MED24: variants seen among roughly 807,000 people sequenced by gnomAD.
MED24 encodes the protein mediator complex subunit 24.
A neutral mutation model predicts 118.8 loss-of-function variants in MED24; 74 were observed. The ratio of observed to expected loss-of-function variants is 0.62; its 90% CI spans 0.52 to 0.76. The LOEUF (loss-of-function observed/expected upper bound fraction) is 0.76. MED24 is among the 30% of genes least tolerant of loss of function. MED24 has a pLI of 0.00. For missense variants in MED24, 1,041 were observed against 1,278.9 expected (o/e 0.81, Z 2.84); for synonymous variants, 521 against 523.9 (o/e 0.99, Z 0.08).
At chr17:40,032,373 G>GCCCCTTTCCCTGGCT in intron 9 of MED24, 1 of 569,328 alleles carries the variant, frequency 1.8e-6, no homozygotes, top group Non-Finnish European at 3.1e-6. Flanking sequence ...GAGGACTGGG[G>GCCCCTTTCCCTGGCT]CCCCTTTCCC....
At position 40,035,028 on chromosome 17, in the gene MED24, T is replaced by G; in HGVS notation, c.559+89A>C. 2.5e-6 allele frequency: 4 copies of G among 1,610,246 alleles called. No individual in the cohort carries two copies. In the South Asian group the frequency reaches 4.4e-5, roughly 18 times the overall value. ...GGTTTCAGATCCTCCTGGAAAGAGG[T>G]GGGATGGCATCCTGCCTCTCCCTTC... On this transcript the variant is annotated intron_variant, in intron 6 of 25. Transcript: ENST00000394128.
intron 19 of MED24, among the ~76,000 whole-genome samples, chr17:40,024,937 T>C (rs536831214): frequency 1.3e-5 from 2 of 152,146 alleles, no homozygotes; most frequent in South Asian, 2.1e-4. Context: ...GGTTTCACCA[T>C]GTTGGTCAGG....
chr17:40,039,543 A>T (rs929584139), intron 3 of MED24, among the ~76,000 whole-genome samples: 1 of 152,222 alleles, frequency 6.6e-6, no homozygotes, highest in Admixed American at 6.5e-5. Context: ...ACAGCACTTG[A>T]GAGGGCACAA....
At position 40,027,081 on chromosome 17, in the gene MED24, G is replaced by C. The variant is rs367647258; in HGVS notation, c.1531-47C>G. On this transcript the variant is annotated intron_variant, in intron 16 of 25. Transcript: ENST00000394128. ...ACCAGCCGAGTGGGGAGGGCGCGGC[G>C]CCTGCCAGCGCTGGACCTGGGGCTG... 134 of 1,597,156 alleles carry C rather than the reference G, an allele frequency of 8.4e-5. 1 individual carries two copies. The African/African-American group carries it at 1.4e-3, about 16-fold the overall frequency.
At position 40,022,458 on chromosome 17, in the gene MED24, G is replaced by C; in HGVS notation, c.2459C>G (p.Ser820Cys). ...CGCCTGTCCCTTGTGGGAGGAGTAG[G>C]AACTGAGGGCACACCACACGGCCAG... ...AKLAVWCALSSYSSHKGQAST... is the reference protein window; with the variant it reads ...AKLAVWCALSCYSSHKGQAST... The change falls in exon 22 of 26, where the codon TCC (serine) becomes TGC (cysteine). Residue 820 changes from serine (S) to cysteine (C), a missense_variant. Physicochemically the swap from Ser to Cys is moderately radical, Grantham distance 112. Coordinates refer to ENST00000394128, the MANE Select transcript of MED24 (RefSeq NM_014815.4). The C allele has an allele frequency of 1.9e-6, 3 of 1,610,522 alleles. No homozygotes were observed. The highest frequency in any genetic ancestry group is 2.5e-6 in the Non-Finnish European group (3 of 1,178,672).
intron 3 of MED24, among the ~76,000 whole-genome samples, chr17:40,045,395 T>C (rs1041284890): frequency 6.7e-6 from 1 of 150,268 alleles, no homozygotes; most frequent in Non-Finnish European, 1.5e-5. Flanking sequence ...CAGGAGGAGG[T>C]TGCAGTGAGC....
rs1982144573 is a variant in MED24 at position 40,022,444 on chromosome 17, T to C, written c.2473A>G (p.Lys825Glu). The part of the protein sequence containing the change: ...WCALSSYSSH[K>E]GQASTRQKKR... ...TTCTGGCGGGTGGACGCCTGTCCCT[T>C]GTGGGAGGAGTAGGAACTGAGGGCA... Residue 825 changes from lysine (K) to glutamate (E), a missense_variant, in exon 22 of 26, where the codon AAG becomes GAG. Physicochemically the swap from Lys to Glu is moderately conservative, Grantham distance 56. Transcript: ENST00000394128. 1 of 1,610,654 alleles carries C rather than the reference T, an allele frequency of 6.2e-7. No individual in the cohort carries two copies. The highest frequency in any genetic ancestry group is 8.5e-7 in the Non-Finnish European group (1 of 1,178,786).
chr17:40,039,392 C>T (rs993364243), intron 3 of MED24, among the ~76,000 whole-genome samples: 3 of 152,184 alleles, frequency 2.0e-5, no homozygotes, highest in Non-Finnish European at 4.4e-5. Flanking sequence ...GCTAGCCCCA[C>T]CTGACCCTGC....
chr17:40,032,376 C>G (rs566102996), intron 9 of MED24: 969 of 568,340 alleles, frequency 1.7e-3, no homozygotes, highest in Non-Finnish European at 2.6e-3. Context: ...GACTGGGGCC[C>G]CTTTCCCTGG....
At position 40,027,941 on chromosome 17, in the gene MED24, T is replaced by C. The variant is rs148687421; in HGVS notation, c.1415A>G (p.Asn472Ser). 1.9e-6 allele frequency: 3 copies of C among 1,613,732 alleles called. No homozygotes were observed. Among genetic ancestry groups the C allele is most frequent in the Non-Finnish European group, 2.5e-6 (3 of 1,179,986 alleles). The change falls in exon 15 of 26, where the codon AAT becomes AGT. Residue 472 changes from asparagine (N) to serine (S), a missense_variant. Coordinates refer to ENST00000394128, the MANE Select transcript of MED24 (RefSeq NM_014815.4). Reference protein sequence around the residue: ...KSFARKFINLNEFTTYGSEES... With the variant: ...KSFARKFINLSEFTTYGSEES... ...TTCGCTGCCATAGGTTGTGAATTCA[T>C]TCAAACTGAAAGGAATGGAGACAGG...
intron 1 of MED24, 181 bp from the exon 2 acceptor site, chr17:40,053,816 C>T: frequency 1.3e-6 from 1 of 794,206 alleles, no homozygotes; most frequent in Non-Finnish European, 2.0e-6. Flanking sequence ...TCCTGAACCG[C>T]CCTTCCTTAA....
In MED24 at chr17:40,035,972, C is replaced by T. The variant is rs1001839723; in HGVS notation, c.252+144G>A. 5.1e-5 allele frequency: 58 copies of T among 1,130,020 alleles called. No homozygotes were observed. In the East Asian group the frequency reaches 5.5e-4, roughly 11 times the overall value. 70.0% of individuals were successfully genotyped at this position (1,130,020 alleles called of 1,614,324 possible). A position where few individuals can be genotyped will look rare whatever the true frequency, so the allele number is the denominator to read the frequency against. On this transcript the variant is annotated intron_variant, in intron 4 of 25. Coordinates refer to ENST00000394128, the MANE Select transcript of MED24 (RefSeq NM_014815.4). ...GCACCAGCCCCTACTTGCCAGGATC[C>T]CCCTCCCATGGAAGTCCAGCAATGC...
At chr17:40,021,771 A>T (rs1982042633) in intron 23 of MED24, among the ~76,000 whole-genome samples, 184 bp downstream of exon 23, 1 of 152,124 alleles carries the variant, frequency 6.6e-6, no homozygotes, top group Non-Finnish European at 1.5e-5. Context: ...GGGAGTGAGA[A>T]CAGCAACCTC....
intron 23 of MED24, among the ~76,000 whole-genome samples, chr17:40,020,799 G>C (rs939222989): frequency 1.3e-5 from 2 of 151,104 alleles, no homozygotes; most frequent in East Asian, 2.0e-4. Flanking sequence ...CAGGCTGGGC[G>C]TGGTGGCTCA....
At chr17:40,053,097 T>C (rs1986017909) in intron 3 of MED24, among the ~76,000 whole-genome samples, 1 of 151,816 alleles carries the variant, frequency 6.6e-6, no homozygotes, top group African/African-American at 2.4e-5. Context: ...CACGCAGGGG[T>C]AACTCTTTGT....
chr17:40,019,689 G>T (rs1981704505), intron 25 of MED24, 44 bp from the exon 26 acceptor site: 1 of 1,580,466 alleles, frequency 6.3e-7, no homozygotes, highest in African/African-American at 1.3e-5. Context: ...GGCTGGTGGT[G>T]GGTGTGCTGT....
rs140811712 is a variant in MED24, at chr17:40,051,235, C to T, written c.213+2063G>A. ...CTGAGGCAGGACAATTGCTTGAACC[C>T]GAAAGGCAGAGGTTGCAGTGAGCCA... On this transcript the variant is annotated intron_variant, in intron 3 of 25. Coordinates refer to ENST00000394128, the MANE Select transcript of MED24 (RefSeq NM_014815.4). 4.0e-4 allele frequency among the ~76,000 whole-genome samples: 61 copies of T among 151,770 alleles called. 1 individual carries two copies. The East Asian group carries it at 0.011, about 28-fold the overall frequency.
Position 40,019,236 on chromosome 17 carries a change from G to T in MED24, c.*293C>A. On this transcript the variant is annotated 3_prime_UTR_variant, in exon 26 of 26. Transcript: ENST00000394128. The stretch of plus-strand genomic sequence containing the variant: ...CTTTGCATCTAGAAAGTTCCTCAGA[G>T]GTAAGACTACTCCTGGGCTGGGGCG... The T allele has an allele frequency of 4.5e-6, 2 of 439,698 alleles. No homozygotes were observed. The highest frequency in any genetic ancestry group is 8.1e-5 in the East Asian group (2 of 24,718). The allele number at this position is 439,698 out of a possible 1,614,324, so 27.2% of individuals were successfully genotyped here.
intron 15 of MED24, 106 bp from the exon 16 acceptor site, chr17:40,027,571 G>T: frequency 9.3e-7 from 1 of 1,070,894 alleles, no homozygotes; most frequent in Non-Finnish European, 1.4e-6. Flanking sequence ...GGGACCAAGT[G>T]GCTCCTTCAA....
Sources: allele counts gnomAD v4.1 joint callset (sites outside exome capture counted in the v4.1 genomes callset), GRCh38; gene constraint gnomAD v4.1.1; transcripts MANE v1.5; gene names NCBI Gene and HGNC (gene_info 2026-07-23, HGNC 2026-07-21).